METTL21C: variants seen among roughly 807,000 people sequenced by gnomAD.
METTL21C encodes methyltransferase 21C, AARS1 lysine, also known as protein-lysine methyltransferase METTL21C.
A neutral mutation model predicts 25.9 loss-of-function variants in METTL21C; 21 were observed. That is an observed-to-expected ratio of 0.81 (90% confidence interval 0.58 to 1.17). The LOEUF is 1.17. Among genes scored for constraint, METTL21C ranks in the 50% most tolerant of loss-of-function variants. The pLI is 0.00. For missense variants in METTL21C, 312 were observed against 315.1 expected (o/e 0.99, Z 0.07); for synonymous variants, 125 against 124.7 (o/e 1.00, Z -0.01).
In METTL21C at chr13:102,694,918, A is replaced by G. The variant is rs143269966; in HGVS notation, c.-420T>C. On this transcript the variant is annotated 5_prime_UTR_variant, in exon 1 of 4. Transcript: ENST00000267273. Reference sequence around the variant, plus strand: ...CTCTCTCTCACACACACACACACACACACACACACACGCACAGTCCTAGCA... The same window carrying G: ...CTCTCTCTCACACACACACACACACGCACACACACACGCACAGTCCTAGCA... 4.0e-5 allele frequency among the ~76,000 whole-genome samples: 6 copies of G among 151,650 alleles called. No individual in the cohort carries two copies. Among genetic ancestry groups the G allele is most frequent in the African/African-American group, 1.5e-4 (6 of 41,328 alleles).
chr13:102,692,021 T>C (rs1726586724), intron 1 of METTL21C, among the ~76,000 whole-genome samples: 6 of 151,722 alleles, frequency 4.0e-5, no homozygotes, highest in Admixed American at 3.9e-4. Flanking sequence ...TCCCAGCGGG[T>C]GGGAAAGAAT....
upstream of METTL21C, among the ~76,000 whole-genome samples, chr13:102,698,351 A>G (rs1885979412): frequency 2.6e-5 from 4 of 152,204 alleles, no homozygotes; most frequent in African/African-American, 9.6e-5. Context: ...CACACGCAGC[A>G]TGGATCATGA....
At chr13:102,698,699 ACT>A (rs1566392617), upstream of METTL21C, among the ~76,000 whole-genome samples, 1 of 150,924 alleles carries the variant, frequency 6.6e-6, no homozygotes, top group Non-Finnish European at 1.5e-5. Context: ...CCAACTCAGA[ACT>A]CTCGGGGAGA....
At chr13:102,686,603 CTG>C (rs1885681584) in intron 3 of METTL21C, among the ~76,000 whole-genome samples, 178 bp from the exon 4 acceptor site, 1 of 152,160 alleles carries the variant, frequency 6.6e-6, no homozygotes, top group South Asian at 2.1e-4. Context: ...GTCCCGTGCA[CTG>C]TAAGATGGTG....
chr13:102,691,623 C>G (rs552406483), intron 1 of METTL21C, among the ~76,000 whole-genome samples: 1 of 152,254 alleles, frequency 6.6e-6, no homozygotes, highest in Non-Finnish European at 1.5e-5. Context: ...GCTGGGATTA[C>G]AGGCGTGAGC....
rs368846422 is a variant in METTL21C, at chr13:102,686,036, C to T, written c.790G>A (p.Asp264Asn). The change falls in exon 4 of 4, where the codon GAC (aspartate) becomes AAC (asparagine). Residue 264 changes from aspartate to asparagine, a missense_variant. Transcript: ENST00000267273. ...TGAAAGGCATTTTGTTGGATTTAGT[C>T]CCATTTTAGTATCCCCTTAAAAAGT... is the stretch of plus-strand genomic sequence containing the variant. ...VKLFKGILKW[D>N] 2.6e-6 allele frequency: 4 copies of T among 1,568,486 alleles called. No homozygotes were observed. The highest frequency in any genetic ancestry group is 1.7e-6 in the Non-Finnish European group (2 of 1,155,074).
At chr13:102,700,361 C>T in the METTL21C span, among the ~76,000 whole-genome samples, 1 of 152,142 alleles carries the variant, frequency 6.6e-6, no homozygotes, top group Non-Finnish European at 1.5e-5. Context: ...TAGTTGTTCG[C>T]TTCTATTTTT....
intron 1 of METTL21C, among the ~76,000 whole-genome samples, chr13:102,691,253 C>A (rs912044102): frequency 2.0e-5 from 3 of 151,346 alleles, no homozygotes; most frequent in Non-Finnish European, 4.4e-5. Flanking sequence ...CGGTCCCCAC[C>A]CTAAATTTTG....
In METTL21C at chr13:102,690,890, C is replaced by G. The variant is rs749722813; in HGVS notation, c.205G>C (p.Glu69Gln). ...TCCTTTCCTGCAAACCGATAATGCT[C>G]CTGAGTGTAGCTGGCGTAATCTGTA... ...VPTDYASYTQ[E>Q]HYRFAGKEIV... Residue 69 changes from glutamate to glutamine, a missense_variant, in exon 2 of 4, where the codon GAG (glutamate) becomes CAG (glutamine). Coordinates refer to ENST00000267273, the MANE Select transcript of METTL21C (RefSeq NM_001010977.3). 6.2e-7 allele frequency: 1 copy of G among 1,614,088 alleles called. No individual in the cohort carries two copies. Among genetic ancestry groups the G allele is most frequent in the Non-Finnish European group, 8.5e-7 (1 of 1,180,018 alleles).
intron 2 of METTL21C, among the ~76,000 whole-genome samples, chr13:102,689,673 G>A (rs1207854251): frequency 6.6e-6 from 1 of 152,212 alleles, no homozygotes; most frequent in African/African-American, 2.4e-5. Context: ...AGTGGGAAAA[G>A]CAACCACACT....
At chr13:102,697,381 G>A (rs902129834), upstream of METTL21C, among the ~76,000 whole-genome samples, 8 of 152,098 alleles carry the variant, frequency 5.3e-5, no homozygotes, top group African/African-American at 1.7e-4. Flanking sequence ...TCTAGTGCAC[G>A]GAGGATGCTG....
At chr13:102,692,559 G>A (rs1885858043) in intron 1 of METTL21C, among the ~76,000 whole-genome samples, 1 of 146,170 alleles carries the variant, frequency 6.8e-6, no homozygotes, top group Non-Finnish European at 1.5e-5. Context: ...AAGTATCAGT[G>A]TGCAGCACAC....
chr13:102,690,035 C>T (rs969556900), intron 2 of METTL21C, among the ~76,000 whole-genome samples: 18 of 152,150 alleles, frequency 1.2e-4, no homozygotes, highest in African/African-American at 3.1e-4. Flanking sequence ...CCCATTTCAG[C>T]GCCATCCTCT....
intron 2 of METTL21C, 46 bp downstream of exon 2, chr13:102,690,767 G>C (rs1885809340): frequency 1.3e-6 from 2 of 1,599,016 alleles, no homozygotes; most frequent in Non-Finnish European, 1.7e-6. Context: ...GTACGGAATT[G>C]TTATCTCCAG....
intron 3 of METTL21C, 148 bp from the exon 4 acceptor site, chr13:102,686,573 C>T (rs1489485430): frequency 5.2e-6 from 5 of 965,572 alleles, no homozygotes; most frequent in Non-Finnish European, 7.5e-6. Context: ...TGTGGGCTGG[C>T]TAATTCTTGT....
intron 2 of METTL21C, among the ~76,000 whole-genome samples, chr13:102,688,883 G>C (rs1311022294): frequency 6.6e-6 from 1 of 152,018 alleles, no homozygotes; most frequent in African/African-American, 2.4e-5. Context: ...CCAGCCCCTT[G>C]TCCTGTTAGC....
the METTL21C span, among the ~76,000 whole-genome samples, chr13:102,701,607 T>TTGTG: frequency 2.0e-5 from 3 of 150,324 alleles, no homozygotes; most frequent in Non-Finnish European, 4.4e-5. Context: ...TCTAGCCTGA[T>TTGTG]TGTGTGTGTG....
chr13:102,696,308 GA>G (rs1021618026), upstream of METTL21C, among the ~76,000 whole-genome samples: 8 of 151,934 alleles, frequency 5.3e-5, no homozygotes, highest in African/African-American at 1.9e-4. Flanking sequence ...AGTGGGAGTC[GA>G]ACAATGAGAA....
At chr13:102,695,178 C>G (rs565819529), upstream of METTL21C, among the ~76,000 whole-genome samples, 1 of 152,182 alleles carries the variant, frequency 6.6e-6, no homozygotes, top group Non-Finnish European at 1.5e-5. Context: ...GACCCGTATC[C>G]AGGCAGCCAG....
Sources: gnomAD v4.1 joint callset for allele counts (sites outside exome capture counted in the v4.1 genomes callset) on GRCh38, gnomAD v4.1.1 for gene constraint, MANE v1.5 for transcripts, NCBI Gene and HGNC (gene_info 2026-07-23, HGNC 2026-07-21) for gene names.